Variants in PDE1C observed in about 807,000 individuals in gnomAD.
PDE1C encodes the protein phosphodiesterase 1C.
PDE1C carries 62 observed loss-of-function variants against 93.1 expected under a neutral mutation model. The ratio of observed to expected loss-of-function variants is 0.67; its 90% confidence interval spans 0.54 to 0.82. The LOEUF (loss-of-function observed/expected upper bound fraction) is 0.82. Ranked by LOEUF, PDE1C falls within the 40% of genes least tolerant of loss-of-function variation. The probability of loss-of-function intolerance (pLI) is 0.00; values close to 1 mark genes in which losing one functional copy is unlikely to be tolerated. For missense variants in PDE1C, 742 were observed against 884.6 expected, an observed-to-expected ratio of 0.84 and a Z score of 2.04; for synonymous variants, 325 against 310.1, an observed-to-expected ratio of 1.05 and a Z score of -0.50.
rs553309081 is a variant in PDE1C, at chr7:31,925,424, G to A, written c.129-44564C>T. Among the ~76,000 whole-genome samples the A allele has an allele frequency of 6.0e-4, 91 of 151,982 alleles. 2 individuals carry two copies. The highest frequency in any genetic ancestry group is 5.8e-3 in the South Asian group (28 of 4,810). ...CACACATACAATAAAGTTCCATTCA[G>A]TCTTTAAAGAGAATGAAGGAAATTG... On this transcript the variant is annotated intron_variant, in intron 2 of 17. Coordinates refer to ENST00000396191, the MANE Select transcript of PDE1C (RefSeq NM_001191057.4).
At chr7:31,778,169 C>G (rs1783141044) in intron 16 of PDE1C, among the ~76,000 whole-genome samples, 1 of 152,198 alleles carries the variant, frequency 6.6e-6, no homozygotes, top group South Asian at 2.1e-4. Flanking sequence ...AAGTGATACT[C>G]TGTGTCAAAG....
chr7:31,882,453 T>C (rs754792589), intron 2 of PDE1C, among the ~76,000 whole-genome samples: 59 of 152,248 alleles, frequency 3.9e-4, no homozygotes, highest in Middle Eastern at 3.4e-3. Context: ...AAATAAGGAT[T>C]GGAAGCTCTT....
intron 1 of PDE1C, among the ~76,000 whole-genome samples, chr7:32,334,865 T>C (rs935429745): frequency 1.3e-5 from 2 of 152,194 alleles, no homozygotes; most frequent in African/African-American, 2.4e-5. Flanking sequence ...GTGGGAGATA[T>C]GCATTTCTTT....
intron 1 of PDE1C, among the ~76,000 whole-genome samples, chr7:32,059,979 C>A (rs74965060): frequency 0.16 from 23,760 of 152,068 alleles, 1,851 homozygotes; most frequent in Middle Eastern, 0.24. Flanking sequence ...CCTGGGAGCC[C>A]GTCTCCTGCT....
intron 2 of PDE1C, among the ~76,000 whole-genome samples, chr7:31,992,503 C>T (rs773435548): frequency 5.9e-5 from 9 of 152,168 alleles, no homozygotes; most frequent in Non-Finnish European, 1.3e-4. Context: ...GATGCTGAGA[C>T]CTCAGTGGGA....
chr7:32,164,406 T>A (rs1315586032), intron 3 of PDE1C, among the ~76,000 whole-genome samples: 3 of 152,206 alleles, frequency 2.0e-5, no homozygotes, highest in Admixed American at 6.5e-5. Flanking sequence ...CAAATTAGTA[T>A]AACCAATCAC....
the PDE1C span, among the ~76,000 whole-genome samples, chr7:31,623,740 T>C: frequency 6.7e-6 from 1 of 148,576 alleles, no homozygotes; most frequent in Non-Finnish European, 1.5e-5. Flanking sequence ...TCACCACGCC[T>C]ATTCAACATA....
chr7:31,950,154 A>C (rs951244265), intron 2 of PDE1C, among the ~76,000 whole-genome samples: 2 of 152,170 alleles, frequency 1.3e-5, no homozygotes, highest in Admixed American at 1.3e-4. Context: ...ATCCCTCCAC[A>C]AGTTAAAAAA....
the PDE1C span, among the ~76,000 whole-genome samples, chr7:31,625,469 G>A: frequency 6.6e-6 from 1 of 152,128 alleles, no homozygotes; most frequent in Non-Finnish European, 1.5e-5. Context: ...CATGTCCTTT[G>A]TAGGGACATG....
At chr7:32,269,641 A>G (rs10256614) in intron 1 of PDE1C, among the ~76,000 whole-genome samples, 17,821 of 151,946 alleles carry the variant, frequency 0.12, 1,202 homozygotes, top group African/African-American at 0.16. Flanking sequence ...CACCATGCCC[A>G]TCTAATTTTT....
At chr7:32,399,447 T>C (rs1426829291) in intron 1 of PDE1C, among the ~76,000 whole-genome samples, 2 of 152,180 alleles carry the variant, frequency 1.3e-5, no homozygotes, top group Admixed American at 6.5e-5. Flanking sequence ...GGTTGGGTCC[T>C]GGTGAGAGCC....
chr7:31,839,083 A>C (rs11773737), intron 9 of PDE1C, among the ~76,000 whole-genome samples: 22,746 of 148,126 alleles, frequency 0.15, 1,837 homozygotes, highest in Middle Eastern at 0.24. Context: ...ACATACATGT[A>C]GACATACATA....
At chr7:31,964,279 G>A (rs967846456) in intron 2 of PDE1C, among the ~76,000 whole-genome samples, 1 of 152,220 alleles carries the variant, frequency 6.6e-6, no homozygotes, top group Non-Finnish European at 1.5e-5. Flanking sequence ...TTTTCCAATG[G>A]GCTTAACAAA....
chr7:32,033,151 T>C (rs1310773037), intron 2 of PDE1C, among the ~76,000 whole-genome samples: 3 of 152,144 alleles, frequency 2.0e-5, no homozygotes, highest in Admixed American at 1.3e-4. Context: ...TCTCTCTTGA[T>C]GGCATCCTAG....
chr7:32,216,306 T>A (rs10233522), intron 1 of PDE1C, among the ~76,000 whole-genome samples: 8,578 of 152,022 alleles, frequency 0.056, 834 homozygotes, highest in African/African-American at 0.19. Context: ...CATCCCCCTA[T>A]CCTAGTTTAA....
At chr7:31,666,004 GC>G in the PDE1C span, among the ~76,000 whole-genome samples, 1 of 152,128 alleles carries the variant, frequency 6.6e-6, no homozygotes, top group African/African-American at 2.4e-5. Flanking sequence ...AATCACTTTA[GC>G]TGGGTACCCC....
chr7:31,819,702 T>C (rs1012301426), intron 14 of PDE1C, among the ~76,000 whole-genome samples: 1 of 152,124 alleles, frequency 6.6e-6, no homozygotes, highest in African/African-American at 2.4e-5. Context: ...ACAATGCATG[T>C]CCGTACAGTT....
the PDE1C span, among the ~76,000 whole-genome samples, chr7:31,727,979 G>A: frequency 2.0e-5 from 3 of 152,184 alleles, no homozygotes; most frequent in Non-Finnish European, 4.4e-5. Flanking sequence ...GGGAAGCAGA[G>A]GTTGTAGTGA....
At chr7:31,822,910 A>G (rs985260813) in intron 14 of PDE1C, among the ~76,000 whole-genome samples, 163 bp downstream of exon 14, 1 of 152,208 alleles carries the variant, frequency 6.6e-6, no homozygotes, top group Non-Finnish European at 1.5e-5. Context: ...TTTATCATGC[A>G]TTGATTCGTA....
Sources: gnomAD v4.1 joint callset for allele counts (sites outside exome capture counted in the v4.1 genomes callset) on GRCh38, gnomAD v4.1.1 for gene constraint, MANE v1.5 for transcripts, NCBI Gene and HGNC (gene_info 2026-07-23, HGNC 2026-07-21) for gene names.